STS: variants seen among roughly 807,000 people sequenced by gnomAD.
STS encodes the protein steryl-sulfatase.
In STS, 7 loss-of-function variants were observed where a neutral mutation model predicts 26.8. That is an observed-to-expected ratio of 0.26 (90% CI 0.15 to 0.49). The LOEUF (loss-of-function observed/expected upper bound fraction) is 0.49, where lower values mean the gene tolerates loss of function less well. STS is among the 20% of genes least tolerant of loss of function. The pLI is 0.98. For synonymous variants in STS, 199 were observed against 189.4 expected (o/e 1.05, Z -0.42); for missense variants, 434 against 465.6 (o/e 0.93, Z 0.63).
chrX:7,214,493 G>C (rs1289836581), intron 2 of STS, among the ~76,000 whole-genome samples: 1 of 111,932 alleles, frequency 8.9e-6, no homozygotes, highest in Non-Finnish European at 1.9e-5. Context: ...CTCTTCCCTT[G>C]TGGAATGAAA....
chrX:7,308,895 G>T (rs1192283406), intron 8 of STS, among the ~76,000 whole-genome samples: 1 of 111,804 alleles, frequency 8.9e-6, no homozygotes, highest in Non-Finnish European at 1.9e-5. Flanking sequence ...CATACCTGTG[G>T]TTTACGCAGA....
intron 6 of STS, among the ~76,000 whole-genome samples, chrX:7,264,966 A>G (rs1923928838): frequency 9.0e-6 from 1 of 110,738 alleles, no homozygotes; most frequent in Non-Finnish European, 1.9e-5. Context: ...GCTTATGGAA[A>G]TGATCTTTCT....
intron 6 of STS, among the ~76,000 whole-genome samples, chrX:7,262,018 C>A (rs1295628366): frequency 1.8e-5 from 2 of 112,013 alleles, no homozygotes; most frequent in Admixed American, 1.9e-4. Flanking sequence ...TTTAAGTATT[C>A]TCAGTTTCAG....
intron 2 of STS, among the ~76,000 whole-genome samples, chrX:7,197,944 C>A (rs1934000984): frequency 8.9e-6 from 1 of 111,832 alleles, no homozygotes; most frequent in Non-Finnish European, 1.9e-5. Flanking sequence ...AGTTCCAATG[C>A]CATATTAATA....
In STS at chrX:7,230,367, A is replaced by C. The variant is rs565515891; in HGVS notation, c.-4-22829A>C. 5.4e-5 allele frequency among the ~76,000 whole-genome samples: 6 copies of C among 111,844 alleles called. No individual in the cohort carries two copies. In the Admixed American group the frequency reaches 5.7e-4, roughly 11 times the overall value. On this transcript the variant is annotated intron_variant, in intron 2 of 10. Transcript: ENST00000674429. ...CCACTCCTAGGTATGTACCCAAAAG[A>C]ATTGAAAATGGGTGTGAATGTTCAT...
At chrX:7,288,117 T>C (rs1415689952) in intron 7 of STS, among the ~76,000 whole-genome samples, 1 of 107,839 alleles carries the variant, frequency 9.3e-6, no homozygotes, top group African/African-American at 3.4e-5. Flanking sequence ...ATAAGAACAT[T>C]AATATTTTAC....
At chrX:7,322,964 G>A (rs1927115970) in intron 8 of STS, among the ~76,000 whole-genome samples, 2 of 111,948 alleles carry the variant, frequency 1.8e-5, no homozygotes, top group African/African-American at 6.5e-5. Context: ...CACCAAGCCT[G>A]TTTCCTCAAC....
chrX:7,152,246 C>A (rs759000957), intron 1 of STS, among the ~76,000 whole-genome samples: 12 of 112,095 alleles, frequency 1.1e-4, no homozygotes, highest in Non-Finnish European at 1.7e-4. Context: ...GCCACCACGC[C>A]CGGCCAGGAT....
At chrX:7,320,753 G>T (rs1238573535) in intron 8 of STS, among the ~76,000 whole-genome samples, 1 of 111,836 alleles carries the variant, frequency 8.9e-6, no homozygotes, top group Non-Finnish European at 1.9e-5. Context: ...TGTGATGTCT[G>T]TGAAGCAGGA....
chrX:7,167,973 C>T, intron 1 of STS, among the ~76,000 whole-genome samples: 1 of 111,201 alleles, frequency 9.0e-6, no homozygotes, highest in East Asian at 2.8e-4. Context: ...GGATTACAGG[C>T]ATGAGCCACC....
chrX:7,282,993 C>T (rs184604183), intron 7 of STS, among the ~76,000 whole-genome samples: 25 of 112,012 alleles, frequency 2.2e-4, no homozygotes, highest in African/African-American at 7.4e-4. Flanking sequence ...AGAAATCAAC[C>T]TTCATGTCTT....
chrX:7,278,494 C>G (rs1021898231), intron 7 of STS, among the ~76,000 whole-genome samples: 5 of 112,184 alleles, frequency 4.5e-5, no homozygotes, highest in African/African-American at 1.6e-4. Context: ...GCAGGTTTCT[C>G]TAAGCCTGGA....
intron 1 of STS, among the ~76,000 whole-genome samples, chrX:7,190,196 C>T (rs997213030): frequency 2.4e-4 from 26 of 110,000 alleles, no homozygotes; most frequent in African/African-American, 8.6e-4. Context: ...TCTCCTGCAA[C>T]TAGATGGTCC....
At position 7,253,274 on chromosome X, in the gene STS, C is replaced by A; in HGVS notation, c.75C>A (p.Ile25=). 1 of 1,211,722 alleles carries A rather than the reference C, an allele frequency of 8.3e-7. No homozygotes were observed. Among genetic ancestry groups the A allele is most frequent in the Non-Finnish European group, 1.1e-6 (1 of 895,393 alleles). ...ESHAASRPNI[I]LVMADDLGIG... Reference sequence around the variant, plus strand: ...ACGCAGCATCAAGGCCGAACATCATCCTGGTGATGGCTGACGACCTCGGCA... The same window carrying A: ...ACGCAGCATCAAGGCCGAACATCATACTGGTGATGGCTGACGACCTCGGCA... The change falls in exon 3 of 11, where the codon ATC becomes ATA. Residue 25 remains isoleucine, a synonymous_variant. Coordinates refer to ENST00000674429, the MANE Select transcript of STS (RefSeq NM_001320752.2).
chrX:7,263,699 A>G (rs1417531709), intron 6 of STS, among the ~76,000 whole-genome samples: 1 of 112,243 alleles, frequency 8.9e-6, no homozygotes, highest in African/African-American at 3.2e-5. Flanking sequence ...TTGGTATTTT[A>G]ATATTTTCAT....
chrX:7,299,467 A>G (rs1925858379), intron 7 of STS, among the ~76,000 whole-genome samples: 1 of 104,619 alleles, frequency 9.6e-6, no homozygotes, highest in African/African-American at 3.4e-5. Flanking sequence ...TAAAACATAT[A>G]TACATATATG....
At chrX:7,156,253 G>A (rs1427353728) in intron 1 of STS, among the ~76,000 whole-genome samples, 1 of 110,954 alleles carries the variant, frequency 9.0e-6, no homozygotes, top group Non-Finnish European at 1.9e-5. Flanking sequence ...ATAGATGCAT[G>A]CATGTGTGGG....
intron 2 of STS, among the ~76,000 whole-genome samples, chrX:7,237,213 C>CA (rs59873673): frequency 0.029 from 2,236 of 78,186 alleles, 66 homozygotes; most frequent in African/African-American, 0.083. Flanking sequence ...AAGATTTGCT[C>CA]AAAAAAAAAA....
In STS at chrX:7,350,424, TC is replaced by T. The variant is rs1163774466; in HGVS notation, c.*164del. 3 of 699,184 alleles carry T rather than the reference TC, an allele frequency of 4.3e-6. No individual in the cohort carries two copies. Among genetic ancestry groups the T allele is most frequent in the Admixed American group, 3.0e-5 (1 of 33,052 alleles). 57.6% of individuals were successfully genotyped at this position (699,184 alleles called of 1,213,427 possible). On this transcript the variant is annotated 3_prime_UTR_variant, in exon 11 of 11. Transcript: ENST00000674429. ...GCTTGGGCCAGAGCTCAACAGCTAC[TC>T]AACTGGAGGGGTGAGGGGGATAAGG...
Sources: allele counts gnomAD v4.1 joint callset (sites outside exome capture counted in the v4.1 genomes callset), GRCh38; gene constraint gnomAD v4.1.1; transcripts MANE v1.5; gene names NCBI Gene and HGNC (gene_info 2026-07-23, HGNC 2026-07-21).